SIN3A: variants seen among roughly 807,000 people sequenced by gnomAD.
SIN3A encodes the protein paired amphipathic helix protein Sin3a.
A neutral mutation model predicts 146.1 loss-of-function variants in SIN3A; 14 were observed. The ratio of observed to expected loss-of-function variants is 0.10; its 90% CI spans 0.06 to 0.15. The LOEUF is 0.15. SIN3A is among the 10% of genes least tolerant of loss of function. SIN3A has a pLI of 1.00. For synonymous variants in SIN3A, 572 were observed against 572.0 expected (o/e 1.00, Z 0.00); for missense variants, 1,028 against 1,576.0 (o/e 0.65, Z 5.89).
At chr15:75,436,026 C>A (rs960492954) in intron 1 of SIN3A, among the ~76,000 whole-genome samples, 18 of 151,444 alleles carry the variant, frequency 1.2e-4, no homozygotes, top group African/African-American at 4.4e-4. Context: ...ACTCCAGTGA[C>A]TGAAGTGGAA....
At position 75,394,872 on chromosome 15, in the gene SIN3A, G is replaced by A; in HGVS notation, c.2094-9C>T. On this transcript the variant is annotated splice_polypyrimidine_tract_variant and intron_variant, in intron 13 of 20. Transcript: ENST00000394947. ...CCTCTTTCATCTTCAACCTAGTGAA[G>A]CGGGAAGGGATGGAAACAACACATG... The A allele has an allele frequency of 6.2e-7, 1 of 1,611,004 alleles. No homozygotes were observed. The highest frequency in any genetic ancestry group is 8.5e-7 in the Non-Finnish European group (1 of 1,178,462).
intron 20 of SIN3A, among the ~76,000 whole-genome samples, chr15:75,373,357 C>T (rs187920756): frequency 1.3e-5 from 2 of 152,214 alleles, no homozygotes; most frequent in African/African-American, 2.4e-5. Flanking sequence ...CCCTCAGTGC[C>T]ATGAGAGAAG....
At chr15:75,432,555 C>T (rs533971003) in intron 1 of SIN3A, among the ~76,000 whole-genome samples, 18 of 150,314 alleles carry the variant, frequency 1.2e-4, no homozygotes, top group Non-Finnish European at 2.4e-4. Flanking sequence ...GGTGTGATGG[C>T]GCACACCTGT....
chr15:75,390,961 T>C (rs1225123735), intron 15 of SIN3A, among the ~76,000 whole-genome samples: 1 of 152,234 alleles, frequency 6.6e-6, no homozygotes, highest in East Asian at 1.9e-4. Context: ...GGTTACTTGC[T>C]AGTTGTGTTT....
intron 1 of SIN3A, among the ~76,000 whole-genome samples, chr15:75,439,835 T>C (rs1008172409): frequency 6.6e-6 from 1 of 152,000 alleles, no homozygotes; most frequent in Non-Finnish European, 1.5e-5. Context: ...TCTGATACCA[T>C]AATGCTCATT....
At chr15:75,377,321 T>C (rs903574484) in intron 19 of SIN3A, among the ~76,000 whole-genome samples, 5 of 152,182 alleles carry the variant, frequency 3.3e-5, no homozygotes, top group Non-Finnish European at 2.9e-5. Flanking sequence ...AAAGCCAGTT[T>C]CACTTAAGAA....
At chr15:75,402,615 G>A (rs1037908440) in intron 9 of SIN3A, among the ~76,000 whole-genome samples, 6 of 152,090 alleles carry the variant, frequency 3.9e-5, no homozygotes, top group African/African-American at 1.4e-4. Flanking sequence ...TAATGATTAT[G>A]TTTGCAATAA....
At chr15:75,455,732 G>A (rs2074478927), upstream of SIN3A, 1 of 152,212 alleles carries the variant, frequency 6.6e-6, no homozygotes, top group Non-Finnish European at 1.5e-5. Context: ...CGGCGGACTA[G>A]CCCCCCAAAC....
At chr15:75,385,902 A>C (rs2073066960) in intron 16 of SIN3A, among the ~76,000 whole-genome samples, 1 of 152,258 alleles carries the variant, frequency 6.6e-6, no homozygotes, top group Non-Finnish European at 1.5e-5. Flanking sequence ...CATTAAAATA[A>C]TGCTTATGAG....
intron 1 of SIN3A, among the ~76,000 whole-genome samples, chr15:75,440,055 G>A (rs955876210): frequency 7.3e-5 from 11 of 151,616 alleles, no homozygotes; most frequent in African/African-American, 2.7e-4. Context: ...GGAGGCTGAG[G>A]CAGGAGAATT....
At chr15:75,434,385 C>T (rs2074065777) in intron 1 of SIN3A, among the ~76,000 whole-genome samples, 1 of 152,200 alleles carries the variant, frequency 6.6e-6, no homozygotes, top group African/African-American at 2.4e-5. Flanking sequence ...CGCGGTGGCT[C>T]ATGCCTGTAA....
intron 14 of SIN3A, among the ~76,000 whole-genome samples, 195 bp downstream of exon 14, chr15:75,394,485 C>T (rs1341211003): frequency 2.6e-5 from 4 of 152,140 alleles, no homozygotes; most frequent in Non-Finnish European, 5.9e-5. Flanking sequence ...ACTAGTCAAA[C>T]AGCTTAGGTA....
chr15:75,420,798 A>C (rs966939258), intron 3 of SIN3A: 1 of 152,246 alleles, frequency 6.6e-6, no homozygotes, highest in Non-Finnish European at 1.5e-5. Flanking sequence ...GTTAAATTAC[A>C]TGGAGGTACA....
chr15:75,384,498 C>A, intron 16 of SIN3A, 61 bp from the exon 17 acceptor site: 2 of 1,033,816 alleles, frequency 1.9e-6, no homozygotes, highest in South Asian at 5.3e-5. Context: ...ATTATACAGT[C>A]AACGTTCCTT....
chr15:75,447,443 CAT>C (rs1354805450), intron 1 of SIN3A, among the ~76,000 whole-genome samples: 5 of 152,152 alleles, frequency 3.3e-5, no homozygotes, highest in Non-Finnish European at 7.3e-5. Flanking sequence ...GGCCACTAAA[CAT>C]ATTAGTCTAT....
chr15:75,391,612 A>C (rs1432080230), intron 15 of SIN3A, among the ~76,000 whole-genome samples: 1 of 152,166 alleles, frequency 6.6e-6, no homozygotes, highest in African/African-American at 2.4e-5. Context: ...TCAAGTACCT[A>C]ATTTATGACG....
chr15:75,402,759 C>G (rs975203322), intron 9 of SIN3A, among the ~76,000 whole-genome samples: 5 of 152,034 alleles, frequency 3.3e-5, no homozygotes, highest in Non-Finnish European at 7.4e-5. Context: ...CTCAGCCTCC[C>G]AAGTAGGTGG....
chr15:75,374,721 AGCTCTTTT>A (rs2072819937), intron 20 of SIN3A, among the ~76,000 whole-genome samples: 1 of 152,198 alleles, frequency 6.6e-6, no homozygotes, highest in Non-Finnish European at 1.5e-5. Context: ...GCCTTGTACT[AGCTCTTTT>A]GTCTAGAAAA....
At chr15:75,435,082 T>G (rs2074083658) in intron 1 of SIN3A, among the ~76,000 whole-genome samples, 1 of 151,954 alleles carries the variant, frequency 6.6e-6, no homozygotes, top group South Asian at 2.1e-4. Flanking sequence ...CTTGTAGGTA[T>G]TTATTAAAAT....
Sources: allele counts gnomAD v4.1 joint callset (sites outside exome capture counted in the v4.1 genomes callset), GRCh38; gene constraint gnomAD v4.1.1; transcripts MANE v1.5; gene names NCBI Gene and HGNC (gene_info 2026-07-23, HGNC 2026-07-21).